The following FAT3 variants were observed in gnomAD, a reference collection of about 807,000 sequenced individuals.
The protein encoded by FAT3 is FAT atypical cadherin 3.
FAT3 carries 95 observed loss-of-function variants against 310.2 expected under a neutral mutation model. The observed-to-expected ratio is 0.31, with a 90% CI of 0.26 to 0.36. The LOEUF (loss-of-function observed/expected upper bound fraction) is 0.36. Ranked by LOEUF, FAT3 falls within the 10% of genes least tolerant of loss-of-function variation. FAT3 has a pLI of 1.00. For synonymous variants in FAT3, 2,314 were observed against 2,192.9 expected (o/e 1.06, Z -1.54); for missense variants, 5,408 against 5,715.6 (o/e 0.95, Z 1.74).
At chr11:92,308,336 G>C (rs535871803) in intron 1 of FAT3, among the ~76,000 whole-genome samples, 1 of 152,318 alleles carries the variant, frequency 6.6e-6, no homozygotes, top group East Asian at 1.9e-4. Flanking sequence ...TGAAGAGTTT[G>C]TTGGGAAAGC....
chr11:92,293,365 A>G (rs1946751186), intron 1 of FAT3, among the ~76,000 whole-genome samples: 1 of 150,842 alleles, frequency 6.6e-6, no homozygotes, highest in South Asian at 2.1e-4. Context: ...CAACAGTTAA[A>G]TTTTTCTTTT....
At chr11:92,591,448 A>G (rs1397150534) in intron 3 of FAT3, among the ~76,000 whole-genome samples, 1 of 152,194 alleles carries the variant, frequency 6.6e-6, no homozygotes. Flanking sequence ...GGATGTATTT[A>G]TATATTTCTG....
chr11:92,231,931 A>G (rs907127579), intron 1 of FAT3, among the ~76,000 whole-genome samples: 9 of 152,214 alleles, frequency 5.9e-5, no homozygotes, highest in African/African-American at 2.2e-4. Context: ...TTTATCACAC[A>G]TGACATTTTG....
At position 92,640,963 on chromosome 11, in the gene FAT3, T is replaced by C. The variant is rs1262737003; in HGVS notation, c.3608-56421T>C. On this transcript the variant is annotated intron_variant, in intron 3 of 27. Coordinates refer to ENST00000525166, the MANE Select transcript of FAT3 (RefSeq NM_001367949.2). The stretch of plus-strand genomic sequence containing the variant: ...GGCTCACACCTGCAATCCCAGCACT[T>C]TGGAAGGTGGATTGTTTGAGTTCAG... 2.0e-5 allele frequency among the ~76,000 whole-genome samples: 3 copies of C among 152,200 alleles called. No homozygotes were observed. The East Asian group carries it at 5.8e-4, about 29-fold the overall frequency.
chr11:92,755,753 C>T (rs1374588093), intron 4 of FAT3, among the ~76,000 whole-genome samples: 1 of 152,162 alleles, frequency 6.6e-6, no homozygotes, highest in Non-Finnish European at 1.5e-5. Context: ...CTGAGTTCCT[C>T]TTACCAAATA....
At chr11:92,520,030 T>G (rs1397293823) in intron 2 of FAT3, among the ~76,000 whole-genome samples, 1 of 152,146 alleles carries the variant, frequency 6.6e-6, no homozygotes, top group African/African-American at 2.4e-5. Flanking sequence ...ATAAAACTTT[T>G]AGATGCATGT....
rs1372865994 is a variant in FAT3 at position 92,646,963 on chromosome 11, T to G, written c.3608-50421T>G. Reference sequence around the variant, plus strand: ...CTCATTACAGAATCCCTTGTGAGAATCATACTAGGCATAGCTTTTTTAGAC... The same window carrying G: ...CTCATTACAGAATCCCTTGTGAGAAGCATACTAGGCATAGCTTTTTTAGAC... On this transcript the variant is annotated intron_variant, in intron 3 of 27. Transcript: ENST00000525166. 2.6e-5 allele frequency among the ~76,000 whole-genome samples: 4 copies of G among 152,156 alleles called. No homozygotes were observed. The South Asian group carries it at 8.3e-4, about 31-fold the overall frequency.
In FAT3 at chr11:92,895,752, A is replaced by G. The variant is rs187901320; in HGVS notation, c.*4639A>G. On this transcript the variant is annotated 3_prime_UTR_variant, in exon 28 of 28. Transcript: ENST00000525166. ...TTGCAAACAGGCTGGTTTGTAAAAGATGTATGTTTTGGTGTTTGAAATGTT... is the reference window on the plus strand; with the variant it reads ...TTGCAAACAGGCTGGTTTGTAAAAGGTGTATGTTTTGGTGTTTGAAATGTT... The G allele has an allele frequency of 2.6e-5, 4 of 152,302 alleles. No homozygotes were observed. Among genetic ancestry groups the G allele is most frequent in the Admixed American group, 2.6e-4 (4 of 15,288 alleles). The allele number at this position is 152,302 out of a possible 1,614,324, so 9.4% of individuals were successfully genotyped here.
intron 3 of FAT3, among the ~76,000 whole-genome samples, chr11:92,616,990 A>G (rs1485790690): frequency 6.6e-6 from 1 of 151,986 alleles, no homozygotes; most frequent in East Asian, 1.9e-4. Flanking sequence ...TCTTTGTGGC[A>G]TTCTCTGTAT....
chr11:92,764,823 A>C, intron 5 of FAT3, 56 bp from the exon 6 acceptor site: 1 of 1,528,384 alleles, frequency 6.5e-7, no homozygotes, highest in Non-Finnish European at 8.9e-7. Context: ...ACAGATCCAA[A>C]CTCTACAACA....
At chr11:92,865,245 G>T (rs940940536) in intron 21 of FAT3, among the ~76,000 whole-genome samples, 1 of 152,204 alleles carries the variant, frequency 6.6e-6, no homozygotes, top group Non-Finnish European at 1.5e-5. Context: ...TCAGTTGTCT[G>T]TACTGAAGCA....
chr11:92,819,648 G>A (rs989392827), intron 13 of FAT3, among the ~76,000 whole-genome samples: 3 of 152,082 alleles, frequency 2.0e-5, no homozygotes, highest in Non-Finnish European at 2.9e-5. Context: ...TTTTGTCCAA[G>A]CATTTTTTAA....
intron 2 of FAT3, among the ~76,000 whole-genome samples, chr11:92,454,439 A>T (rs1219267098): frequency 2.0e-5 from 3 of 152,166 alleles, no homozygotes; most frequent in African/African-American, 7.2e-5. Context: ...AGCCTCTGGA[A>T]ATCATTTGGT....
chr11:92,408,663 G>A (rs1488020746), intron 2 of FAT3, among the ~76,000 whole-genome samples: 1 of 152,176 alleles, frequency 6.6e-6, no homozygotes, highest in Non-Finnish European at 1.5e-5. Context: ...CTGATGTTGG[G>A]ACTCCTCTTA....
chr11:92,257,399 C>T (rs140159993), intron 1 of FAT3, among the ~76,000 whole-genome samples: 15 of 152,052 alleles, frequency 9.9e-5, no homozygotes, highest in Middle Eastern at 3.4e-3. Flanking sequence ...TAACATTTCC[C>T]CAGGGAAGTA....
intron 3 of FAT3, among the ~76,000 whole-genome samples, chr11:92,598,838 A>C (rs1231039853): frequency 6.6e-6 from 1 of 152,200 alleles, no homozygotes; most frequent in African/African-American, 2.4e-5. Flanking sequence ...GACAATGATA[A>C]TGATTAAGAC....
intron 3 of FAT3, among the ~76,000 whole-genome samples, chr11:92,590,112 C>A (rs543400310): frequency 2.6e-5 from 4 of 152,148 alleles, no homozygotes; most frequent in Admixed American, 6.6e-5. Flanking sequence ...AAGTTCTATG[C>A]GTGATTCAAG....
Position 92,473,157 on chromosome 11 carries a change from C to T in FAT3, c.3293-51477C>T, listed in dbSNP as rs193075478. ...GCCTTCACTTGTGACTCTGGGTTCA[C>T]GTATCTATCTCTCTAATTAGGCTTA... On this transcript the variant is annotated intron_variant, in intron 2 of 27. Transcript: ENST00000525166. Among the ~76,000 whole-genome samples, 125 of 152,236 alleles carry T rather than the reference C, an allele frequency of 8.2e-4. 3 individuals are homozygous for T. The highest frequency in any genetic ancestry group is 5.0e-3 in the Admixed American group (77 of 15,264).
chr11:92,323,364 A>G (rs756106300), intron 1 of FAT3, among the ~76,000 whole-genome samples: 6 of 151,924 alleles, frequency 3.9e-5, no homozygotes, highest in Non-Finnish European at 8.8e-5. Context: ...TCCTCCCACC[A>G]CAGACTCCCA....
Sources: gnomAD v4.1 joint callset for allele counts (sites outside exome capture counted in the v4.1 genomes callset) on GRCh38, gnomAD v4.1.1 for gene constraint, MANE v1.5 for transcripts, NCBI Gene and HGNC (gene_info 2026-07-23, HGNC 2026-07-21) for gene names.